PDGFRB: variants seen among roughly 807,000 people sequenced by gnomAD.
PDGFRB encodes platelet-derived growth factor receptor beta.
In PDGFRB, 42 loss-of-function variants were observed where a neutral mutation model predicts 120.2. That is an observed-to-expected ratio of 0.35 (90% CI 0.27 to 0.45). The LOEUF (loss-of-function observed/expected upper bound fraction) is 0.45, where lower values mean the gene tolerates loss of function less well. Among genes scored for constraint, PDGFRB ranks in the 20% least tolerant of loss-of-function variants. The pLI is 1.00. For synonymous variants in PDGFRB, 586 were observed against 606.8 expected, an observed-to-expected ratio of 0.97 and a Z score of 0.50; for missense variants, 1,149 against 1,476.3, an observed-to-expected ratio of 0.78 and a Z score of 3.63.
At chr5:150,147,991 G>A (rs1466812458) in intron 1 of PDGFRB, among the ~76,000 whole-genome samples, 2 of 152,184 alleles carry the variant, frequency 1.3e-5, no homozygotes, top group African/African-American at 2.4e-5. Context: ...GCAAAGTGAT[G>A]CATGTGATAA....
rs376813570 is a variant in PDGFRB, at chr5:150,124,206, G to A, written c.2023+44C>T. 6.6e-6 allele frequency: 9 copies of A among 1,358,000 alleles called. No individual in the cohort carries two copies. In the African/African-American group the frequency reaches 1.3e-4, roughly 19 times the overall value. 84.1% of individuals were successfully genotyped at this position (1,358,000 alleles called of 1,614,324 possible). A position where few individuals can be genotyped will look rare whatever the true frequency, so the allele number is the denominator to read the frequency against. ...GGGGTAGGCGGGGCCTGGCCTTGGT[G>A]GTGGGCACTTTCCCTGAGGCCTCTG... is the stretch of plus-strand genomic sequence containing the variant. On this transcript the variant is annotated intron_variant, in intron 14 of 22. Transcript: ENST00000261799.
chr5:150,118,999 T>C (rs1220159238), intron 20 of PDGFRB, 147 bp from the exon 21 acceptor site: 2 of 611,098 alleles, frequency 3.3e-6, no homozygotes, highest in East Asian at 2.8e-5. Flanking sequence ...TATCCAGAGG[T>C]CCTGTCTCTG....
At chr5:150,152,560 C>A (rs966300371) in intron 1 of PDGFRB, among the ~76,000 whole-genome samples, 19 of 152,170 alleles carry the variant, frequency 1.2e-4, no homozygotes, top group Non-Finnish European at 1.3e-4. Context: ...TTTCAGAAGA[C>A]CTTTTCATCC....
rs761780839 is a variant in PDGFRB, at chr5:150,132,838, T to C, written c.1039A>G (p.Thr347Ala). The stretch of plus-strand genomic sequence containing the variant: ...CGGTTGTCTTTGAACCACAGGACAG[T>C]GGGCGGTGGGTAGGCCTCGAACACT... ...QVVFEAYPPP[T>A]VLWFKDNRTL... Residue 347 changes from threonine to alanine, a missense_variant, in exon 7 of 23, where the codon ACT becomes GCT. By Grantham distance (58) the Thr-to-Ala change is moderately conservative. This residue lies in a region of PDGFRB where 879 missense variants were observed against 1,108.6 expected (regional missense o/e 0.79). Coordinates refer to ENST00000261799, the MANE Select transcript of PDGFRB (RefSeq NM_002609.4). This position sits in a 1 kb window ranked among gnomAD's most constrained non-coding sequence, Gnocchi z 5.0. 9 of 1,611,068 alleles carry C rather than the reference T, an allele frequency of 5.6e-6. No individual in the cohort carries two copies. In the East Asian group the frequency reaches 1.1e-4, roughly 20 times the overall value.
chr5:150,135,936 G>T, intron 2 of PDGFRB, 58 bp from the exon 3 acceptor site: 2 of 1,300,452 alleles, frequency 1.5e-6, no homozygotes, highest in Non-Finnish European at 2.1e-6. Context: ...CTCTCCCAAG[G>T]CTGAGCCTGC....
In PDGFRB at chr5:150,132,380, A is replaced by G. The variant is rs1400820006; in HGVS notation, c.1128-286T>C. Among the ~76,000 whole-genome samples the G allele has an allele frequency of 2.0e-5, 3 of 152,154 alleles. No homozygotes were observed. Among genetic ancestry groups the G allele is most frequent in the African/African-American group, 4.8e-5 (2 of 41,426 alleles). ...AGAAAGGTGGACACTGCTCCATCCT[A>G]ACCTACCACAGTCTCTGTCAGCCAG... On this transcript the variant is annotated intron_variant, in intron 7 of 22. Transcript: ENST00000261799. This position sits in a 1 kb window ranked among gnomAD's most constrained non-coding sequence, Gnocchi z 5.0.
At position 150,121,943 on chromosome 5, in the gene PDGFRB, C is replaced by T. The variant is rs747659448; in HGVS notation, c.2281G>A (p.Val761Ile). 39 of 1,613,350 alleles carry T rather than the reference C, an allele frequency of 2.4e-5. No individual in the cohort carries two copies. The highest frequency in any genetic ancestry group is 1.7e-4 in the Middle Eastern group (1 of 6,056). The stretch of plus-strand genomic sequence containing the variant: ...GAGGACTCGATGTCTGCATATTTGA[C>T]GTCTCCTTTCATGTCCAGCATGGGC... ...YVPMLDMKGD[V>I]KYADIESSNY... The change falls in exon 16 of 23, where the codon GTC (valine) becomes ATC (isoleucine). Residue 761 changes from valine to isoleucine, a missense_variant. This residue lies in a region of PDGFRB where 879 missense variants were observed against 1,108.6 expected (regional missense o/e 0.79). Coordinates refer to ENST00000261799, the MANE Select transcript of PDGFRB (RefSeq NM_002609.4). The surrounding 1 kb of genome is among the most constrained non-coding windows in gnomAD (Gnocchi z 4.1).
intron 1 of PDGFRB, among the ~76,000 whole-genome samples, chr5:150,139,550 C>G (rs1345704742): frequency 6.6e-6 from 1 of 152,106 alleles, no homozygotes; most frequent in Admixed American, 6.5e-5. Flanking sequence ...ATTCCTGAGG[C>G]TAGAGTCACA....
intron 6 of PDGFRB, 113 bp downstream of exon 6, chr5:150,133,473 C>T (rs1270904496): frequency 6.8e-6 from 6 of 888,016 alleles, no homozygotes; most frequent in African/African-American, 3.3e-5. Flanking sequence ...CCAGCTCAGC[C>T]CTGATCACTG....
At chr5:150,147,090 C>A (rs1296483450) in intron 1 of PDGFRB, among the ~76,000 whole-genome samples, 1 of 152,178 alleles carries the variant, frequency 6.6e-6, no homozygotes, top group African/African-American at 2.4e-5. Flanking sequence ...GATACAGCAT[C>A]CAGGCAATCA....
chr5:150,133,543 G>A (rs1428552619), intron 6 of PDGFRB, 43 bp downstream of exon 6: 3 of 1,530,106 alleles, frequency 2.0e-6, no homozygotes, highest in Non-Finnish European at 1.8e-6. Context: ...AGGGTGGGGA[G>A]CGTTGAAGGA....
At chr5:150,150,526 T>C (rs989288207) in intron 1 of PDGFRB, among the ~76,000 whole-genome samples, 2 of 147,816 alleles carry the variant, frequency 1.4e-5, no homozygotes, top group African/African-American at 5.0e-5. Flanking sequence ...GAGGGGATTT[T>C]AATGCGGTTA....
intron 13 of PDGFRB, 97 bp from the exon 14 acceptor site, chr5:150,124,457 G>A: frequency 1.1e-6 from 1 of 884,478 alleles, no homozygotes; most frequent in African/African-American, 1.7e-5. Context: ...CCCGCCCTGT[G>A]CTGCAAGACC....
At chr5:150,147,757 C>G (rs1372651362) in intron 1 of PDGFRB, among the ~76,000 whole-genome samples, 1 of 152,216 alleles carries the variant, frequency 6.6e-6, no homozygotes, top group East Asian at 1.9e-4. Context: ...TTAACCACCC[C>G]TCTGTGCCTC....
chr5:150,126,302 G>C (rs554463129), intron 11 of PDGFRB, among the ~76,000 whole-genome samples: 1 of 152,248 alleles, frequency 6.6e-6, no homozygotes, highest in Non-Finnish European at 1.5e-5. Context: ...ACACAGTAGG[G>C]GAAGGGAATC....
At chr5:150,138,692 C>T (rs963844867) in intron 1 of PDGFRB, among the ~76,000 whole-genome samples, 32 of 152,260 alleles carry the variant, frequency 2.1e-4, no homozygotes, top group African/African-American at 7.5e-4. Flanking sequence ...TCTGCCCCAG[C>T]CCCTCCAGCT....
chr5:150,126,732 TCC>T, intron 10 of PDGFRB, 118 bp from the exon 11 acceptor site: 1 of 689,776 alleles, frequency 1.4e-6, no homozygotes, highest in African/African-American at 1.8e-5. Context: ...AGCGCCCACC[TCC>T]CCATCAGCCT....
At chr5:150,138,989 C>G (rs1760710635) in intron 1 of PDGFRB, among the ~76,000 whole-genome samples, 1 of 152,220 alleles carries the variant, frequency 6.6e-6, no homozygotes, top group East Asian at 1.9e-4. Flanking sequence ...TGGCCTGGCT[C>G]TGGAAGGCTG....
intron 22 of PDGFRB, 64 bp downstream of exon 22, chr5:150,117,554 A>T: frequency 1.2e-6 from 1 of 825,594 alleles, no homozygotes; most frequent in Non-Finnish European, 1.9e-6. Context: ...GCACACACAC[A>T]CACACACACA....
Sources: allele counts gnomAD v4.1 joint callset (sites outside exome capture counted in the v4.1 genomes callset), GRCh38; gene constraint gnomAD v4.1.1; regional missense constraint gnomAD v4.1.1; non-coding constraint Gnocchi (gnomAD v3.1); transcripts MANE v1.5; gene names NCBI Gene and HGNC (gene_info 2026-07-23, HGNC 2026-07-21).